SERPINC1: variants seen among roughly 807,000 people sequenced by gnomAD.
The protein encoded by SERPINC1 is serpin family C member 1, also known as antithrombin-III.
Under a neutral mutation model 43.4 loss-of-function variants are expected in SERPINC1, and 12 were observed. The ratio of observed to expected loss-of-function variants is 0.28; its 90% CI spans 0.18 to 0.45. SERPINC1 has a LOEUF of 0.45. Among genes scored for constraint, SERPINC1 ranks in the 20% least tolerant of loss-of-function variants. SERPINC1 has a pLI of 1.00. For missense variants in SERPINC1, 423 were observed against 578.8 expected (o/e 0.73, Z 2.76); for synonymous variants, 210 against 218.9 (o/e 0.96, Z 0.36).
At chr1:173,910,714 G>C in intron 4 of SERPINC1, 40 bp downstream of exon 4, 1 of 1,608,324 alleles carries the variant, frequency 6.2e-7, no homozygotes, top group Non-Finnish European at 8.5e-7. Flanking sequence ...TGAAGAGCAA[G>C]AGGAAGTCCC....
Position 173,911,939 on chromosome 1 carries a change from G to A in SERPINC1, c.484C>T (p.Leu162Phe). ...HFFFAKLNCRLYRKANKSSKL... is the reference protein window; with the variant it reads ...HFFFAKLNCRFYRKANKSSKL... ...GAGGATTTGTTGGCTTTTCGATAGA[G>A]TCGGCAGTTCAGTTTGGCAAAGAAG... The change falls in exon 3 of 7, where the codon CTC becomes TTC. Residue 162 changes from leucine to phenylalanine, a missense_variant. Physicochemically the swap from Leu to Phe is conservative, Grantham distance 22. Coordinates refer to ENST00000367698, the MANE Select transcript of SERPINC1 (RefSeq NM_000488.4). The A allele has an allele frequency of 6.2e-7, 1 of 1,614,210 alleles. No homozygotes were observed. The highest frequency in any genetic ancestry group is 8.5e-7 in the Non-Finnish European group (1 of 1,180,044).
intron 3 of SERPINC1, 46 bp downstream of exon 3, chr1:173,911,753 G>C (rs558662907): frequency 7.7e-6 from 11 of 1,435,680 alleles, no homozygotes; most frequent in Non-Finnish European, 1.1e-5. Context: ...CAATCTCTGA[G>C]TGGAGAGGAA....
At chr1:173,907,604 T>C (rs1196416992) in intron 5 of SERPINC1, 90 bp from the exon 6 acceptor site, 16 of 883,386 alleles carry the variant, frequency 1.8e-5, no homozygotes, top group Non-Finnish European at 3.1e-5. Flanking sequence ...AAGAGATCCT[T>C]TGGGGCTTTT....
At position 173,907,465 on chromosome 1, in the gene SERPINC1, A is replaced by G; in HGVS notation, c.1203T>C (p.His401=). The change falls in exon 6 of 7, where the codon CAT becomes CAC. Residue 401 remains histidine, a synonymous_variant. Transcript: ENST00000367698. ...GTGTACTCACCTCAAGAAATGCCTT[A>G]TGGAATGCATCTGAGACATAGAGGT... ...RDDLYVSDAF[H]KAFLEVNEEG... is the part of the protein sequence containing the mutation. 1 of 1,613,024 alleles carries G rather than the reference A, an allele frequency of 6.2e-7. No individual in the cohort carries two copies. Among genetic ancestry groups the G allele is most frequent in the Non-Finnish European group, 8.5e-7 (1 of 1,178,996 alleles).
At chr1:173,916,796 G>T (rs904436314) in intron 1 of SERPINC1, among the ~76,000 whole-genome samples, 4 of 152,180 alleles carry the variant, frequency 2.6e-5, no homozygotes, top group African/African-American at 4.8e-5. Context: ...AAGGTCACTG[G>T]GATTTGGGTG....
chr1:173,909,504 A>C, intron 5 of SERPINC1, 48 bp downstream of exon 5: 1 of 1,604,482 alleles, frequency 6.2e-7, no homozygotes, highest in Non-Finnish European at 8.5e-7. Context: ...ACTTTTGGTC[A>C]GACTACCTTG....
At position 173,914,403 on chromosome 1, in the gene SERPINC1, A is replaced by G. The variant is rs1572091697; in HGVS notation, c.408+150T>C. 1.4e-5 allele frequency: 12 copies of G among 866,652 alleles called. No individual in the cohort carries two copies. The South Asian group carries it at 1.7e-4, about 12-fold the overall frequency. The allele number at this position is 866,652 out of a possible 1,614,324, so 53.7% of individuals were successfully genotyped here. A position where few individuals can be genotyped will look rare whatever the true frequency, so the allele number is the denominator to read the frequency against. On this transcript the variant is annotated intron_variant, in intron 2 of 6. Transcript: ENST00000367698. ...TAAAAAATGATTTTCAAAGGGAATT[A>G]TAACACAGTGATGTTCAAAGGGAAT...
At chr1:173,910,219 C>A (rs1414071357) in intron 4 of SERPINC1, among the ~76,000 whole-genome samples, 2 of 152,036 alleles carry the variant, frequency 1.3e-5, no homozygotes, top group Non-Finnish European at 2.9e-5. Flanking sequence ...CTATTCCATG[C>A]TAAGAAGAAA....
chr1:173,904,157 T>C, intron 6 of SERPINC1, 92 bp from the exon 7 acceptor site: 3 of 1,241,528 alleles, frequency 2.4e-6, no homozygotes, highest in Admixed American at 1.8e-5. Context: ...ATTCCTCAAA[T>C]GCTTTTGTTT....
At position 173,909,705 on chromosome 1, in the gene SERPINC1, C is replaced by T; in HGVS notation, c.1000G>A (p.Glu334Lys). 3 of 1,614,166 alleles carry T rather than the reference C, an allele frequency of 1.9e-6. No individual in the cohort carries two copies. Among genetic ancestry groups the T allele is most frequent in the Non-Finnish European group, 8.5e-7 (1 of 1,180,010 alleles). ...TCATCCAGCCACTCTTGCAGCACCT[C>T]TGGGGTGAGTTCCTTCTCTACCTTG... ...LAKVEKELTP[E>K]VLQEWLDELE... Residue 334 changes from glutamate (E) to lysine (K), a missense_variant, in exon 5 of 7, where the codon GAG becomes AAG. By Grantham distance (56) the Glu-to-Lys change is moderately conservative (BLOSUM62 1). Transcript: ENST00000367698.
chr1:173,916,017 C>G (rs1449673996), intron 1 of SERPINC1, among the ~76,000 whole-genome samples: 1 of 152,192 alleles, frequency 6.6e-6, no homozygotes, highest in Non-Finnish European at 1.5e-5. Flanking sequence ...TGTTTTTTTA[C>G]TCTTTCACCA....
rs368419985 is a variant in SERPINC1, at chr1:173,910,809, G to A, written c.707C>T (p.Ser236Leu). The A allele has an allele frequency of 1.3e-5, 21 of 1,613,872 alleles. No homozygotes were observed. Among genetic ancestry groups the A allele is most frequent in the East Asian group, 4.5e-5 (2 of 44,896 alleles). Residue 236 changes from serine to leucine, a missense_variant, in exon 4 of 7, where the codon TCG becomes TTG. By Grantham distance (145) the Ser-to-Leu change is moderately radical. Transcript: ENST00000367698. ...TEGRITDVIP[S>L]EAINELTVLV... Reference sequence around the variant, plus strand: ...AACAGTGAGCTCATTGATGGCTTCCGAGGGAATGACATCGGTGATTCGGCC... The same window carrying A: ...AACAGTGAGCTCATTGATGGCTTCCAAGGGAATGACATCGGTGATTCGGCC...
At chr1:173,905,236 TCTTAA>T (rs1265899313) in intron 6 of SERPINC1, among the ~76,000 whole-genome samples, 2 of 152,178 alleles carry the variant, frequency 1.3e-5, no homozygotes, top group African/African-American at 2.4e-5. Context: ...AGCAGTGTCA[TCTTAA>T]CTTCCAAAAC....
intron 3 of SERPINC1, 115 bp from the exon 4 acceptor site, chr1:173,911,006 T>A: frequency 8.1e-7 from 1 of 1,238,254 alleles, no homozygotes; most frequent in Non-Finnish European, 1.2e-6. Context: ...ACCATTTGAT[T>A]AAGAAGCCAT....
In SERPINC1 at chr1:173,914,509, G is replaced by C. The variant is rs760408083; in HGVS notation, c.408+44C>G. On this transcript the variant is annotated intron_variant, in intron 2 of 6. Coordinates refer to ENST00000367698, the MANE Select transcript of SERPINC1 (RefSeq NM_000488.4). The stretch of plus-strand genomic sequence containing the variant: ...GACTTGGGCCTATGGAAGCCCCAAA[G>C]GTGCTCCTAACAAGGTGGCTGGGCA... 5 of 1,612,606 alleles carry C rather than the reference G, an allele frequency of 3.1e-6. No homozygotes were observed. The African/African-American group carries it at 6.7e-5, about 22-fold the overall frequency.
At chr1:173,905,729 A>AAG (rs964753506) in intron 6 of SERPINC1, among the ~76,000 whole-genome samples, 1 of 151,798 alleles carries the variant, frequency 6.6e-6, no homozygotes, top group African/African-American at 2.4e-5. Flanking sequence ...TCAATGAAAA[A>AAG]AAAAAATCTC....
chr1:173,910,724 C>T, intron 4 of SERPINC1, 30 bp downstream of exon 4: 1 of 1,612,462 alleles, frequency 6.2e-7, no homozygotes. Context: ...GAGGAAGTCC[C>T]TGGGGTCTCT....
chr1:173,907,387 C>T (rs1657559109), intron 6 of SERPINC1, 63 bp downstream of exon 6: 6 of 1,314,412 alleles, frequency 4.6e-6, no homozygotes, highest in Admixed American at 1.7e-5. Context: ...GCCTTTTCCA[C>T]GTGTTCCTGC....
intron 3 of SERPINC1, 109 bp downstream of exon 3, chr1:173,911,690 G>A: frequency 1.1e-6 from 1 of 885,782 alleles, no homozygotes; most frequent in Non-Finnish European, 1.9e-6. Flanking sequence ...CAGCCCTCCA[G>A]CAGTCTTCAG....
Sources: allele counts gnomAD v4.1 joint callset (sites outside exome capture counted in the v4.1 genomes callset), GRCh38; gene constraint gnomAD v4.1.1; transcripts MANE v1.5; gene names NCBI Gene and HGNC (gene_info 2026-07-23, HGNC 2026-07-21).